The following SEC14L2 variants were observed in gnomAD, a reference collection of about 807,000 sequenced individuals.
SEC14L2 encodes SEC14 like lipid binding 2, also known as SEC14-like protein 2.
In SEC14L2, 50 loss-of-function variants were observed where a neutral mutation model predicts 56.9. The observed-to-expected ratio is 0.88, with a 90% confidence interval of 0.70 to 1.11. SEC14L2 has a LOEUF of 1.11. Among genes scored for constraint, SEC14L2 ranks in the 50% most tolerant of loss-of-function variants. The probability of loss-of-function intolerance (pLI) is 0.00; values close to 1 mark genes in which losing one functional copy is unlikely to be tolerated. For missense variants in SEC14L2, 414 were observed against 500.7 expected (o/e 0.83, Z 1.65); for synonymous variants, 179 against 188.5 (o/e 0.95, Z 0.41).
intron 5 of SEC14L2, chr22:30,408,872 C>T (rs188608174): frequency 3.5e-5 from 15 of 427,298 alleles, no homozygotes; most frequent in South Asian, 1.4e-4. Flanking sequence ...CTACGGGTAC[C>T]GTGCACAGAG....
rs141179840 is a variant in SEC14L2, at chr22:30,410,507, G to C, written c.581-89G>C. The C allele has an allele frequency of 7.8e-3, 9,773 of 1,255,948 alleles. 71 individuals are homozygous for C. The highest frequency in any genetic ancestry group is 8.7e-3 in the Non-Finnish European group (7,493 of 860,556). The allele number at this position is 1,255,948 out of a possible 1,614,324, so 77.8% of individuals were successfully genotyped here. On this transcript the variant is annotated intron_variant, in intron 7 of 11. Coordinates refer to ENST00000615189, the MANE Select transcript of SEC14L2 (RefSeq NM_012429.5). ...GGGAACATGTGGCCCAGCATGGGCT[G>C]GCAGGAGGGTAGCAGGTGCTGCAGA...
intron 11 of SEC14L2, 74 bp from the exon 12 acceptor site, chr22:30,422,200 ACAT>A (rs2146046668): frequency 1.3e-6 from 2 of 1,575,848 alleles, no homozygotes; most frequent in Non-Finnish European, 8.7e-7. Context: ...CAGTCACTAA[ACAT>A]CAACAAAAAT....
chr22:30,408,233 T>G (rs1466976624), intron 5 of SEC14L2, among the ~76,000 whole-genome samples: 1 of 152,248 alleles, frequency 6.6e-6, no homozygotes, highest in Non-Finnish European at 1.5e-5. Context: ...AACCCATCCT[T>G]GAGCAAGTAT....
intron 11 of SEC14L2, chr22:30,420,998 C>A (rs1176700380): frequency 6.6e-6 from 1 of 152,208 alleles, no homozygotes; most frequent in Non-Finnish European, 1.5e-5. Flanking sequence ...TATCAAATAT[C>A]TTCCATCTAG....
Position 30,425,044 on chromosome 22 carries a change from G to A in SEC14L2, c.*2637G>A. ...GGCACCTACCTCCCAGGGGCTCACCGTTCACTCCTCTAGCCTCATTTAGAG... is the reference window on the plus strand; with the variant it reads ...GGCACCTACCTCCCAGGGGCTCACCATTCACTCCTCTAGCCTCATTTAGAG... On this transcript the variant is annotated 3_prime_UTR_variant, in exon 12 of 12. Transcript: ENST00000615189. 2.9e-6 allele frequency: 1 copy of A among 344,138 alleles called. No individual in the cohort carries two copies. 21.3% of individuals were successfully genotyped at this position (344,138 alleles called of 1,614,324 possible).
At chr22:30,408,052 G>A (rs756908567) in intron 5 of SEC14L2, among the ~76,000 whole-genome samples, 2 of 151,684 alleles carry the variant, frequency 1.3e-5, no homozygotes, top group African/African-American at 2.4e-5. Flanking sequence ...GGAAGCTGCA[G>A]TGAGCCAAGA....
intron 1 of SEC14L2, 151 bp from the exon 2 acceptor site, chr22:30,399,492 C>T (rs1385296121): frequency 2.2e-5 from 10 of 459,152 alleles, no homozygotes; most frequent in African/African-American, 1.0e-4. Flanking sequence ...CCAGCCTGGG[C>T]GAGAGTGCGA....
intron 2 of SEC14L2, 22 bp downstream of exon 2, chr22:30,399,740 G>C: frequency 6.2e-7 from 1 of 1,607,744 alleles, no homozygotes; most frequent in African/African-American, 1.3e-5. Context: ...GGGGCTGCGG[G>C]AGGCTGGGGC....
intron 2 of SEC14L2, among the ~76,000 whole-genome samples, 170 bp downstream of exon 2, chr22:30,399,888 C>T (rs543478570): frequency 2.6e-5 from 4 of 152,358 alleles, no homozygotes; most frequent in South Asian, 4.1e-4. Flanking sequence ...TGGATAAAGA[C>T]ACTGAGGCTC....
chr22:30,406,024 AT>A (rs1442655778), intron 2 of SEC14L2, among the ~76,000 whole-genome samples: 3 of 152,024 alleles, frequency 2.0e-5, no homozygotes, highest in East Asian at 1.9e-4. Context: ...TCCGGGGTTC[AT>A]TTTCACTGAG....
chr22:30,414,300 G>A (rs947039717), intron 8 of SEC14L2, among the ~76,000 whole-genome samples: 2 of 152,066 alleles, frequency 1.3e-5, no homozygotes, highest in East Asian at 1.9e-4. Flanking sequence ...GGCATGAGAC[G>A]GTTTGGTTTC....
chr22:30,412,454 C>G (rs921608755), intron 8 of SEC14L2, among the ~76,000 whole-genome samples: 2 of 151,684 alleles, frequency 1.3e-5, no homozygotes, highest in African/African-American at 4.8e-5. Flanking sequence ...ACAGTCCACG[C>G]AAGAGGTGTT....
chr22:30,425,021 C>T lies in SEC14L2; in HGVS notation c.*2614C>T, dbSNP rs749564424. Reference sequence around the variant, plus strand: ...CTGAGAAGGGACTCCAGAGTCCAGGCACCTACCTCCCAGGGGCTCACCGTT... The same window carrying T: ...CTGAGAAGGGACTCCAGAGTCCAGGTACCTACCTCCCAGGGGCTCACCGTT... On this transcript the variant is annotated 3_prime_UTR_variant, in exon 12 of 12. Coordinates refer to ENST00000615189, the MANE Select transcript of SEC14L2 (RefSeq NM_012429.5). 6 of 356,584 alleles carry T rather than the reference C, an allele frequency of 1.7e-5. No homozygotes were observed. The highest frequency in any genetic ancestry group is 3.3e-5 in the Non-Finnish European group (6 of 180,684). The allele number at this position is 356,584 out of a possible 1,614,324, so 22.1% of individuals were successfully genotyped here. A position where few individuals can be genotyped will look rare whatever the true frequency, so the allele number is the denominator to read the frequency against.
rs1934618883 is a variant in SEC14L2 at position 30,424,625 on chromosome 22, A to T, written c.*2218A>T. 3 of 447,140 alleles carry T rather than the reference A, an allele frequency of 6.7e-6. No individual in the cohort carries two copies. The highest frequency in any genetic ancestry group is 6.0e-5 in the African/African-American group (3 of 49,778). 27.7% of individuals were successfully genotyped at this position (447,140 alleles called of 1,614,324 possible). On this transcript the variant is annotated 3_prime_UTR_variant, in exon 12 of 12. Transcript: ENST00000615189. Reference sequence around the variant, plus strand: ...TGCAAAGCGCTTAAGAGCTTGGTATAAGTAAGTGCTCGTCAATGTTGGCTA... The same window carrying T: ...TGCAAAGCGCTTAAGAGCTTGGTATTAGTAAGTGCTCGTCAATGTTGGCTA...
chr22:30,397,683 A>G lies in SEC14L2; in HGVS notation c.54+513A>G. 2 of 342,892 alleles carry G rather than the reference A, an allele frequency of 5.8e-6. 1 individual carries two copies. Among genetic ancestry groups the G allele is most frequent in the South Asian group, 4.3e-5 (2 of 46,172 alleles). The allele number at this position is 342,892 out of a possible 1,614,324, so 21.2% of individuals were successfully genotyped here. ...ACCCTGCCCTTCTCTTTGCTCCTCG[A>G]TGCCATGGAATGAGGAGGTTGGACC... On this transcript the variant is annotated intron_variant, in intron 1 of 11. Transcript: ENST00000615189.
intron 2 of SEC14L2, among the ~76,000 whole-genome samples, chr22:30,404,027 A>AGG (rs1267857518): frequency 1.5e-5 from 2 of 132,190 alleles, no homozygotes; most frequent in South Asian, 2.5e-4. Flanking sequence ...AAAAAAAAAA[A>AGG]AAGAAAAAAA....
chr22:30,416,756 C>T (rs1014417867), intron 11 of SEC14L2: 1 of 1,293,990 alleles, frequency 7.7e-7, no homozygotes, highest in South Asian at 1.9e-5. Context: ...GTCACAGAGA[C>T]AGAACTGGCT....
chr22:30,413,049 G>C (rs1934294509), intron 8 of SEC14L2, among the ~76,000 whole-genome samples: 1 of 152,086 alleles, frequency 6.6e-6, no homozygotes, highest in African/African-American at 2.4e-5. Flanking sequence ...TAAAAATGTT[G>C]GGAATACCTG....
Position 30,423,791 on chromosome 22 carries a change from C to T in SEC14L2, c.*1384C>T, listed in dbSNP as rs1242102266. On this transcript the variant is annotated 3_prime_UTR_variant, in exon 12 of 12. Transcript: ENST00000615189. The stretch of plus-strand genomic sequence containing the variant: ...CTCAGGACATCCCGGCCTGGGTTTA[C>T]AACGCTGTTAGGAAAATTAACCAAT... 1 of 152,340 alleles carries T rather than the reference C, an allele frequency of 6.6e-6. No homozygotes were observed. The highest frequency in any genetic ancestry group is 2.4e-5 in the African/African-American group (1 of 41,478). The allele number at this position is 152,340 out of a possible 1,614,324, so 9.4% of individuals were successfully genotyped here.
Sources: gnomAD v4.1 joint callset for allele counts (sites outside exome capture counted in the v4.1 genomes callset) on GRCh38, gnomAD v4.1.1 for gene constraint, MANE v1.5 for transcripts, NCBI Gene and HGNC (gene_info 2026-07-23, HGNC 2026-07-21) for gene names.